The following LIMK2 variants were observed in gnomAD, a reference collection of about 807,000 sequenced individuals.
The protein encoded by LIMK2 is LIM domain kinase 2.
In LIMK2, 35 loss-of-function variants were observed where a neutral mutation model predicts 75.7. The ratio of observed to expected loss-of-function variants is 0.46; its 90% confidence interval spans 0.35 to 0.61. LIMK2 has a LOEUF of 0.61. LIMK2 is among the 20% of genes least tolerant of loss of function. The pLI is 0.00. For synonymous variants in LIMK2, 301 were observed against 319.2 expected (o/e 0.94, Z 0.61); for missense variants, 623 against 831.0 (o/e 0.75, Z 3.08).
chr22:31,240,463 C>T (rs1231846249), intron 2 of LIMK2, among the ~76,000 whole-genome samples: 8 of 147,324 alleles, frequency 5.4e-5, no homozygotes, highest in Non-Finnish European at 7.4e-5. Context: ...CTCGCTGTGT[C>T]GCCAGGCTGG....
chr22:31,276,523 G>A (rs1300315082), intron 15 of LIMK2, among the ~76,000 whole-genome samples: 1 of 146,966 alleles, frequency 6.8e-6, no homozygotes, highest in African/African-American at 2.4e-5. Context: ...GGGGCGGGGC[G>A]CGACCAGGCC....
intron 2 of LIMK2, among the ~76,000 whole-genome samples, chr22:31,252,601 A>G (rs1424814669): frequency 6.6e-6 from 1 of 150,888 alleles, no homozygotes; most frequent in East Asian, 1.9e-4. Flanking sequence ...TCATTTTAGG[A>G]CCTTTCTTTT....
chr22:31,276,935 C>T (rs754593564), intron 15 of LIMK2: 1 of 1,613,582 alleles, frequency 6.2e-7, no homozygotes, highest in African/African-American at 1.3e-5. Flanking sequence ...GAGCAGCTCA[C>T]GCGCCTCTAC....
At position 31,217,088 on chromosome 22, in the gene LIMK2, A is replaced by G. The variant is rs116508090; in HGVS notation, c.16+4664A>G. ...CTGTAATTTGTTTTGTCCAGGAAAG[A>G]AAGTCTAAAATGTAGTTAAAGACAG... On this transcript the variant is annotated intron_variant, in intron 1 of 15. Coordinates refer to ENST00000331728, the MANE Select transcript of LIMK2 (RefSeq NM_005569.4). 5.5e-3 allele frequency among the ~76,000 whole-genome samples: 843 copies of G among 152,264 alleles called. 11 individuals carry two copies. The highest frequency in any genetic ancestry group is 0.019 in the African/African-American group (810 of 41,546).
In LIMK2 at chr22:31,265,938, A is replaced by G; in HGVS notation, c.855-8A>G. On this transcript the variant is annotated splice_polypyrimidine_tract_variant and splice_region_variant and intron_variant, in intron 7 of 15. Transcript: ENST00000331728. ...CACATCCCTACTCCCGTCTTTCCTC[A>G]TCTTCAGGCGCAGTAACAGTATCTC... is the stretch of plus-strand genomic sequence containing the variant. The G allele has an allele frequency of 1.2e-6, 2 of 1,613,528 alleles. No individual in the cohort carries two copies. Among genetic ancestry groups the G allele is most frequent in the Non-Finnish European group, 8.5e-7 (1 of 1,179,542 alleles).
At chr22:31,222,266 C>T (rs1347869156) in intron 1 of LIMK2, among the ~76,000 whole-genome samples, 1 of 149,446 alleles carries the variant, frequency 6.7e-6, no homozygotes, top group Non-Finnish European at 1.5e-5. Context: ...GATGTGGTTT[C>T]TCCATGTTGG....
intron 13 of LIMK2, 143 bp downstream of exon 13, chr22:31,272,847 G>T: frequency 7.1e-7 from 1 of 1,409,356 alleles, no homozygotes; most frequent in Admixed American, 3.0e-5. Flanking sequence ...CTTGCCAGGT[G>T]GGGCCTCACG....
At chr22:31,214,433 A>G (rs1476600042) in intron 1 of LIMK2, among the ~76,000 whole-genome samples, 3 of 152,168 alleles carry the variant, frequency 2.0e-5, no homozygotes, top group African/African-American at 7.2e-5. Context: ...AATTGAGATA[A>G]GTGCTGTAAG....
Position 31,268,261 on chromosome 22 carries a change from G to A in LIMK2, c.1317+61G>A, listed in dbSNP as rs926965080. The A allele has an allele frequency of 5.1e-6, 7 of 1,380,690 alleles. No individual in the cohort carries two copies. In the African/African-American group the frequency reaches 8.5e-5, roughly 17 times the overall value. 85.5% of individuals were successfully genotyped at this position (1,380,690 alleles called of 1,614,324 possible). A position where few individuals can be genotyped will look rare whatever the true frequency, so the allele number is the denominator to read the frequency against. ...AGTAGGGAGAGGTGTGAGAATTGTG[G>A]GCTTCACTGGAAGGTAGAGACCCCT... On this transcript the variant is annotated intron_variant, in intron 11 of 15. Transcript: ENST00000331728.
intron 2 of LIMK2, among the ~76,000 whole-genome samples, chr22:31,255,137 AG>A (rs1280579623): frequency 6.6e-6 from 1 of 152,140 alleles, no homozygotes; most frequent in African/African-American, 2.4e-5. Context: ...CACAGAGTTA[AG>A]GGGACCCAGG....
chr22:31,271,334 T>C (rs1027757486), intron 12 of LIMK2, 133 bp downstream of exon 12: 2 of 742,554 alleles, frequency 2.7e-6, no homozygotes, highest in African/African-American at 3.5e-5. Context: ...TTTCCCTTCC[T>C]GCTTCTTCCA....
chr22:31,213,849 T>C (rs2048368714), intron 1 of LIMK2, among the ~76,000 whole-genome samples: 1 of 149,226 alleles, frequency 6.7e-6, no homozygotes, highest in Non-Finnish European at 1.5e-5. Context: ...GGAGTCTTGC[T>C]CTGTCGCCCA....
At chr22:31,246,770 A>AC (rs1480154988) in intron 2 of LIMK2, among the ~76,000 whole-genome samples, 14 of 145,764 alleles carry the variant, frequency 9.6e-5, no homozygotes, top group South Asian at 4.2e-4. Context: ...AAAAAAAAAA[A>AC]ACAAAAAAAA....
At chr22:31,247,447 T>G (rs1402881404) in intron 2 of LIMK2, among the ~76,000 whole-genome samples, 1 of 152,108 alleles carries the variant, frequency 6.6e-6, no homozygotes. Context: ...ACAGGACAAG[T>G]AGAAGAAGCT....
chr22:31,225,386 C>T (rs1601401908), intron 1 of LIMK2, among the ~76,000 whole-genome samples: 1 of 152,126 alleles, frequency 6.6e-6, no homozygotes, highest in African/African-American at 2.4e-5. Context: ...AGATTGTGTT[C>T]GTTTCTTCTT....
At chr22:31,253,466 T>C (rs1601425349) in intron 2 of LIMK2, among the ~76,000 whole-genome samples, 1 of 152,340 alleles carries the variant, frequency 6.6e-6, no homozygotes, top group East Asian at 1.9e-4. Context: ...CACTGTGAAG[T>C]ATATGAAGGA....
intron 2 of LIMK2, among the ~76,000 whole-genome samples, chr22:31,254,742 TGA>T (rs1306474257): frequency 2.0e-5 from 3 of 152,072 alleles, no homozygotes; most frequent in Non-Finnish European, 1.5e-5. Flanking sequence ...GCAGATCACT[TGA>T]GGTCGGGAGT....
At chr22:31,256,887 T>C (rs2048788120) in intron 2 of LIMK2, among the ~76,000 whole-genome samples, 2 of 152,030 alleles carry the variant, frequency 1.3e-5, no homozygotes, top group South Asian at 4.2e-4. Context: ...AGAGATGGCA[T>C]GGGCTCAGCA....
chr22:31,268,163 A>T lies in LIMK2; in HGVS notation c.1280A>T (p.Gln427Leu), dbSNP rs1408659463. The change falls in exon 11 of 16, where the codon CAG (glutamine) becomes CTG (leucine). Residue 427 changes from glutamine (Q) to leucine (L), a missense_variant. Around this residue, in one of 3 missense-constraint regions of LIMK2, gnomAD observed 514 missense variants for 661.3 expected, o/e 0.78. Coordinates refer to ENST00000331728, the MANE Select transcript of LIMK2 (RefSeq NM_005569.4). ...LRSMDPFPWQ[Q>L]KVRFAKGIAS... ...CTGCAGGATCCGTTCCCCTGGCAGC[A>T]GAAGGTCAGGTTTGCCAAAGGAATC... is the stretch of plus-strand genomic sequence containing the variant. 1 of 1,614,132 alleles carries T rather than the reference A, an allele frequency of 6.2e-7. No individual in the cohort carries two copies. Among genetic ancestry groups the T allele is most frequent in the South Asian group, 1.1e-5 (1 of 91,090 alleles).
Sources: gnomAD v4.1 joint callset for allele counts (sites outside exome capture counted in the v4.1 genomes callset) on GRCh38, gnomAD v4.1.1 for gene constraint, gnomAD v4.1.1 regional missense constraint, MANE v1.5 for transcripts, NCBI Gene and HGNC (gene_info 2026-07-23, HGNC 2026-07-21) for gene names.